Variants in YBX3 observed in about 807,000 individuals in gnomAD.
YBX3 encodes the protein Y-box binding protein 3, also known as Y-box-binding protein 3.
Under a neutral mutation model 42.4 loss-of-function variants are expected in YBX3, and 29 were observed. The ratio of observed to expected loss-of-function variants is 0.68; its 90% CI spans 0.51 to 0.93. The LOEUF is 0.93. Among genes scored for constraint, YBX3 ranks in the 40% least tolerant of loss-of-function variants. The pLI is 0.00. For synonymous variants in YBX3, 195 were observed against 189.8 expected (o/e 1.03, Z -0.22); for missense variants, 517 against 527.5 (o/e 0.98, Z 0.19).
Position 10,715,865 on chromosome 12 carries a change from G to A in YBX3, c.361-82C>T. On this transcript the variant is annotated intron_variant, in intron 3 of 9. Coordinates refer to ENST00000228251, the MANE Select transcript of YBX3 (RefSeq NM_003651.5). ...TCACTGCTTTCAAGTACACCAGAGTGAACTTGAAGAAACTGTTGACCGATT... is the reference window on the plus strand; with the variant it reads ...TCACTGCTTTCAAGTACACCAGAGTAAACTTGAAGAAACTGTTGACCGATT... 10 of 1,159,858 alleles carry A rather than the reference G, an allele frequency of 8.6e-6. No individual in the cohort carries two copies. In the South Asian group the frequency reaches 1.3e-4, roughly 15 times the overall value. The allele number at this position is 1,159,858 out of a possible 1,614,324, so 71.8% of individuals were successfully genotyped here. A position where few individuals can be genotyped will look rare whatever the true frequency, so the allele number is the denominator to read the frequency against.
intron 2 of YBX3, among the ~76,000 whole-genome samples, chr12:10,718,727 A>G (rs906306551): frequency 5.3e-5 from 8 of 152,220 alleles, no homozygotes; most frequent in African/African-American, 1.9e-4. Flanking sequence ...TCAATGACTC[A>G]CTAGTTGGGT....
Position 10,702,806 on chromosome 12 carries a change from A to T in YBX3, c.879-672T>A, listed in dbSNP as rs1170810611. ...ATTTAGCAGAGACTAAGGGAATTAA[A>T]CATGAGAAGAAACATTATTATGTGC... On this transcript the variant is annotated intron_variant, in intron 7 of 9. Coordinates refer to ENST00000228251, the MANE Select transcript of YBX3 (RefSeq NM_003651.5). The T allele has an allele frequency of 2.6e-5, 4 of 152,330 alleles. No homozygotes were observed. The East Asian group carries it at 7.7e-4, about 29-fold the overall frequency. 9.4% of individuals were successfully genotyped at this position (152,330 alleles called of 1,614,324 possible). A position where few individuals can be genotyped will look rare whatever the true frequency, so the allele number is the denominator to read the frequency against.
rs367643392 is a variant in YBX3 at position 10,721,130 on chromosome 12, T to C, written c.262+1720A>G. ...ACATCTTAGGCATCTATGTGTTTGC[T>C]TGGCAAAGGAAAGGGGATGGCAGGA... On this transcript the variant is annotated intron_variant, in intron 1 of 9. Coordinates refer to ENST00000228251, the MANE Select transcript of YBX3 (RefSeq NM_003651.5). Among the ~76,000 whole-genome samples, 30 of 152,302 alleles carry C rather than the reference T, an allele frequency of 2.0e-4. 1 individual carries two copies. The South Asian group carries it at 5.6e-3, about 28-fold the overall frequency.
At chr12:10,715,458 A>C (rs1167936511) in intron 4 of YBX3, among the ~76,000 whole-genome samples, 5 of 152,072 alleles carry the variant, frequency 3.3e-5, no homozygotes, top group Non-Finnish European at 5.9e-5. Context: ...AGGCAGAGGA[A>C]TCACTTGAAC....
Position 10,709,985 on chromosome 12 carries a change from G to A in YBX3, c.703C>T (p.Arg235Trp), listed in dbSNP as rs763611652. Residue 235 changes from arginine to tryptophan, a missense_variant, in exon 6 of 10, where the codon CGG becomes TGG. By Grantham distance (101) the Arg-to-Trp change is moderately radical. This residue lies in a region of YBX3 where 420 missense variants were observed against 408.5 expected (regional missense o/e 1.03). Coordinates refer to ENST00000228251, the MANE Select transcript of YBX3 (RefSeq NM_003651.5). ...RPQYRPQYRQ[R>W]RFPPYHVGQT... ...CCCACGTGGTAAGGCGGGAACCGCC[G>A]CTGCCGGTACTGAGGGCGATACTGG... 22 of 1,613,358 alleles carry A rather than the reference G, an allele frequency of 1.4e-5. No individual in the cohort carries two copies. The highest frequency in any genetic ancestry group is 2.2e-5 in the East Asian group (1 of 44,900).
chr12:10,713,844 T>C (rs1000912028), intron 4 of YBX3, among the ~76,000 whole-genome samples: 2 of 152,254 alleles, frequency 1.3e-5, no homozygotes, highest in African/African-American at 4.8e-5. Flanking sequence ...GGGTCTTTGA[T>C]GAATAATATT....
intron 5 of YBX3, chr12:10,710,484 G>C: frequency 8.4e-7 from 1 of 1,196,910 alleles, no homozygotes; most frequent in Non-Finnish European, 1.0e-6. Flanking sequence ...ATCCACTGAG[G>C]CAATGTCAGG....
rs17850545 is a variant in YBX3, at chr12:10,715,741, C to T, written c.403G>A (p.Val135Ile). The change falls in exon 4 of 10, where the codon GTA becomes ATA. Residue 135 changes from valine to isoleucine, a missense_variant. Val to Ile is a conservative substitution (Grantham distance 29). Transcript: ENST00000228251. ...KNNPRKYLRS[V>I]GDGETVEFDV... The stretch of plus-strand genomic sequence containing the variant: ...AACTCTACAGTTTCTCCATCTCCTA[C>T]ACTGCGCAGATATTTCCGTGGGTTA... 3 of 1,614,110 alleles carry T rather than the reference C, an allele frequency of 1.9e-6. No individual in the cohort carries two copies. Among genetic ancestry groups the T allele is most frequent in the Non-Finnish European group, 2.5e-6 (3 of 1,179,988 alleles).
Position 10,715,803 on chromosome 12 carries a change from T to A in YBX3, c.361-20A>T. The A allele has an allele frequency of 6.3e-7, 1 of 1,598,958 alleles. No individual in the cohort carries two copies. The highest frequency in any genetic ancestry group is 8.6e-7 in the Non-Finnish European group (1 of 1,166,552). The stretch of plus-strand genomic sequence containing the variant: ...GGCAGTCTGGAAAGAGAACAGAAAA[T>A]TTTATTCGATGTATATTTCAATATT... On this transcript the variant is annotated intron_variant, in intron 3 of 9. Coordinates refer to ENST00000228251, the MANE Select transcript of YBX3 (RefSeq NM_003651.5).
intron 1 of YBX3, 53 bp downstream of exon 1, chr12:10,722,797 C>T: frequency 7.4e-7 from 1 of 1,357,220 alleles, no homozygotes; most frequent in East Asian, 2.8e-5. Context: ...TGCTCCGCGG[C>T]CGGCTGGGCC....
chr12:10,716,860 A>G (rs528805822), intron 3 of YBX3, among the ~76,000 whole-genome samples: 6 of 152,220 alleles, frequency 3.9e-5, no homozygotes, highest in South Asian at 2.1e-4. Context: ...TTTTCCTGTT[A>G]AACTGGGCAA....
chr12:10,700,452 G>A (rs183266099), intron 9 of YBX3, among the ~76,000 whole-genome samples: 1 of 152,124 alleles, frequency 6.6e-6, no homozygotes, highest in Admixed American at 6.5e-5. Context: ...CAGTTAAAAG[G>A]GTTATAGGTT....
chr12:10,703,690 A>G lies in YBX3; in HGVS notation c.878+361T>C, dbSNP rs78651854. The G allele has an allele frequency of 6.1e-3, 1,963 of 319,410 alleles. 35 individuals are homozygous for G. Among genetic ancestry groups the G allele is most frequent in the East Asian group, 0.033 (376 of 11,528 alleles). The allele number at this position is 319,410 out of a possible 1,614,324, so 19.8% of individuals were successfully genotyped here. A position where few individuals can be genotyped will look rare whatever the true frequency, so the allele number is the denominator to read the frequency against. ...TTTAACCCCTCTACTGGACTGCCTC[A>G]GTGATTAACAGTCACTATCCCAAAT... On this transcript the variant is annotated intron_variant, in intron 7 of 9. Coordinates refer to ENST00000228251, the MANE Select transcript of YBX3 (RefSeq NM_003651.5).
chr12:10,721,200 G>T (rs1948320771), intron 1 of YBX3, among the ~76,000 whole-genome samples: 1 of 152,200 alleles, frequency 6.6e-6, no homozygotes, highest in African/African-American at 2.4e-5. Context: ...ACGTAGAAAG[G>T]GCTGTCCTTC....
At chr12:10,707,188 C>A (rs959707615) in intron 6 of YBX3, among the ~76,000 whole-genome samples, 1 of 152,064 alleles carries the variant, frequency 6.6e-6, no homozygotes, top group African/African-American at 2.4e-5. Flanking sequence ...AAAATGTTGT[C>A]AACCACTGTA....
intron 1 of YBX3, 76 bp from the exon 2 acceptor site, chr12:10,719,219 A>G (rs1948298192): frequency 1.6e-6 from 2 of 1,267,656 alleles, no homozygotes; most frequent in African/African-American, 3.0e-5. Context: ...GATCTTGATA[A>G]CATTAGACAA....
intron 3 of YBX3, among the ~76,000 whole-genome samples, chr12:10,716,425 C>T (rs1337061614): frequency 6.6e-6 from 1 of 152,148 alleles, no homozygotes; most frequent in East Asian, 1.9e-4. Context: ...CAACTTTTCT[C>T]CCATCACACA....
intron 1 of YBX3, among the ~76,000 whole-genome samples, chr12:10,720,376 A>C (rs1015614169): frequency 6.6e-6 from 1 of 152,188 alleles, no homozygotes; most frequent in Admixed American, 6.5e-5. Flanking sequence ...CAAAACAAAA[A>C]AAACATGTCT....
At chr12:10,710,309 T>A in intron 5 of YBX3, 195 bp from the exon 6 acceptor site, 1 of 1,457,872 alleles carries the variant, frequency 6.9e-7, no homozygotes, top group Non-Finnish European at 9.0e-7. Context: ...TTAGAGTAGA[T>A]CTGTGCAGAT....
Sources: gnomAD v4.1 joint callset for allele counts (sites outside exome capture counted in the v4.1 genomes callset) on GRCh38, gnomAD v4.1.1 for gene constraint, gnomAD v4.1.1 regional missense constraint, MANE v1.5 for transcripts, NCBI Gene and HGNC (gene_info 2026-07-23, HGNC 2026-07-21) for gene names.